The following TBC1D19 variants were observed in gnomAD, a reference collection of about 807,000 sequenced individuals.
TBC1D19 encodes TBC1 domain family member 19.
In TBC1D19, 60 loss-of-function variants were observed where a neutral mutation model predicts 89.0. That is an observed-to-expected ratio of 0.67 (90% CI 0.55 to 0.84). The LOEUF (loss-of-function observed/expected upper bound fraction) is 0.84. Among genes scored for constraint, TBC1D19 ranks in the 40% least tolerant of loss-of-function variants. The pLI is 0.00. For missense variants in TBC1D19, 500 were observed against 610.8 expected (o/e 0.82, Z 1.91); for synonymous variants, 189 against 199.7 (o/e 0.95, Z 0.45).
intron 15 of TBC1D19, among the ~76,000 whole-genome samples, chr4:26,723,539 T>C (rs1717110923): frequency 6.6e-6 from 1 of 152,108 alleles, no homozygotes; most frequent in South Asian, 2.1e-4. Flanking sequence ...TTACCTTCCC[T>C]GGGAGGGAAA....
chr4:26,717,699 G>A (rs1716717989), intron 13 of TBC1D19, among the ~76,000 whole-genome samples: 1 of 152,032 alleles, frequency 6.6e-6, no homozygotes, highest in Non-Finnish European at 1.5e-5. Context: ...TCAACTGTTA[G>A]TTAGCAGTTT....
chr4:26,838,637 T>G, the TBC1D19 span, among the ~76,000 whole-genome samples: 1 of 152,132 alleles, frequency 6.6e-6, no homozygotes, highest in Non-Finnish European at 1.5e-5. Flanking sequence ...TTGGTGAGAG[T>G]AGGCCACAGC....
chr4:26,708,400 T>C (rs1192063784), intron 13 of TBC1D19, among the ~76,000 whole-genome samples: 2 of 152,124 alleles, frequency 1.3e-5, no homozygotes, highest in Admixed American at 6.6e-5. Context: ...AAGTTCTCTC[T>C]TTGCCTTTGA....
At chr4:26,835,874 C>G in the TBC1D19 span, among the ~76,000 whole-genome samples, 1 of 152,086 alleles carries the variant, frequency 6.6e-6, no homozygotes, top group Non-Finnish European at 1.5e-5. Flanking sequence ...CTATTTTCTT[C>G]CCTAGCCATT....
intron 15 of TBC1D19, among the ~76,000 whole-genome samples, chr4:26,734,888 GTA>G (rs930581208): frequency 6.2e-5 from 7 of 113,070 alleles, no homozygotes; most frequent in South Asian, 3.1e-4. Flanking sequence ...ATATGTATAC[GTA>G]TGTGTGTGTA....
chr4:26,793,335 C>G, the TBC1D19 span, among the ~76,000 whole-genome samples: 1 of 152,154 alleles, frequency 6.6e-6, no homozygotes, highest in East Asian at 1.9e-4. Context: ...ACTCACTGAA[C>G]AAAAGTGGGA....
intron 13 of TBC1D19, among the ~76,000 whole-genome samples, chr4:26,714,172 C>T (rs952521609): frequency 1.3e-5 from 2 of 152,008 alleles, no homozygotes; most frequent in Admixed American, 1.3e-4. Flanking sequence ...ATAATTAGAC[C>T]CTGTCTCTAC....
intron 10 of TBC1D19, among the ~76,000 whole-genome samples, chr4:26,673,176 AG>A (rs1263012702): frequency 2.0e-5 from 3 of 151,680 alleles, no homozygotes; most frequent in Non-Finnish European, 4.4e-5. Flanking sequence ...CCTTCTTGCA[AG>A]GTTATGAGAT....
intron 1 of TBC1D19, among the ~76,000 whole-genome samples, chr4:26,596,581 A>T (rs1740229835): frequency 1.4e-5 from 2 of 145,898 alleles, no homozygotes; most frequent in Admixed American, 6.8e-5. Context: ...ATTTTCTCTT[A>T]ATTTCAGATC....
rs554866628 is a variant in TBC1D19 at position 26,658,279 on chromosome 4, GCATC to G, written c.481-1315_481-1312del. ...TATTTTTGTATAAGGTGTAAGGAAG[GCATC>G]CAGTTTAAGTTTTCTGCATATGGCT... On this transcript the variant is annotated intron_variant, in intron 7 of 20. Coordinates refer to ENST00000264866, the MANE Select transcript of TBC1D19 (RefSeq NM_018317.4). Among the ~76,000 whole-genome samples, 381 of 152,234 alleles carry G rather than the reference GCATC, an allele frequency of 2.5e-3. 3 individuals are homozygous for G. Among genetic ancestry groups the G allele is most frequent in the African/African-American group, 8.5e-3 (354 of 41,540 alleles).
chr4:26,653,089 A>G (rs1174685900), intron 7 of TBC1D19, among the ~76,000 whole-genome samples: 1 of 152,186 alleles, frequency 6.6e-6, no homozygotes. Context: ...ATTGGTTTCA[A>G]AGAACATCTT....
the TBC1D19 span, among the ~76,000 whole-genome samples, chr4:26,827,854 G>A: frequency 6.6e-6 from 1 of 152,114 alleles, no homozygotes; most frequent in African/African-American, 2.4e-5. Flanking sequence ...CTGGGTAGGT[G>A]TGAATACAGG....
intron 16 of TBC1D19, among the ~76,000 whole-genome samples, chr4:26,739,577 A>G (rs1718230688): frequency 6.6e-6 from 1 of 152,156 alleles, no homozygotes; most frequent in Non-Finnish European, 1.5e-5. Flanking sequence ...AGTTACTTGG[A>G]ACTTTTCATA....
chr4:26,812,040 C>G, the TBC1D19 span, among the ~76,000 whole-genome samples: 1 of 152,190 alleles, frequency 6.6e-6, no homozygotes, highest in African/African-American at 2.4e-5. The surrounding 1 kb of genome is among the most constrained non-coding windows in gnomAD (Gnocchi z 4.2). Flanking sequence ...TAGAGTTGCT[C>G]TAGTTCAAAT....
At chr4:26,577,280 C>T in intron 1 of TBC1D19, among the ~76,000 whole-genome samples, 1 of 151,794 alleles carries the variant, frequency 6.6e-6, no homozygotes, top group Admixed American at 6.6e-5. Flanking sequence ...TCTCTTCTCT[C>T]TCGTGTGTGT....
At chr4:26,727,646 T>C (rs1717397063) in intron 15 of TBC1D19, among the ~76,000 whole-genome samples, 1 of 152,178 alleles carries the variant, frequency 6.6e-6, no homozygotes, top group South Asian at 2.1e-4. Context: ...GAAAATATGG[T>C]TTCAGCAAGG....
chr4:26,761,029 G>A (rs1239119697), downstream of TBC1D19, among the ~76,000 whole-genome samples: 2 of 152,070 alleles, frequency 1.3e-5, no homozygotes, highest in African/African-American at 4.8e-5. Context: ...ATGTGTATGG[G>A]CTGGTTTCTG....
intron 7 of TBC1D19, 37 bp from the exon 8 acceptor site, chr4:26,659,560 A>G: frequency 7.1e-7 from 1 of 1,405,950 alleles, no homozygotes; most frequent in Non-Finnish European, 1.0e-6. Context: ...ACATCCTGGA[A>G]AGAAACTAAC....
rs1026638012 is a variant in TBC1D19, at chr4:26,640,830, G to C, written c.480+643G>C. ...TAGTCCGAGATCAAACTATGAGGTG[G>C]CAAGCCTGGCTGGGGGAGGGGCATC... On this transcript the variant is annotated intron_variant, in intron 7 of 20. Coordinates refer to ENST00000264866, the MANE Select transcript of TBC1D19 (RefSeq NM_018317.4). 2.0e-5 allele frequency among the ~76,000 whole-genome samples: 3 copies of C among 152,332 alleles called. No homozygotes were observed. The South Asian group carries it at 6.2e-4, about 32-fold the overall frequency.
Sources: allele counts gnomAD v4.1 joint callset (sites outside exome capture counted in the v4.1 genomes callset), GRCh38; gene constraint gnomAD v4.1.1; non-coding constraint Gnocchi (gnomAD v3.1); transcripts MANE v1.5; gene names NCBI Gene and HGNC (gene_info 2026-07-23, HGNC 2026-07-21).